Variants in ADAMTS3 observed in about 807,000 individuals in gnomAD.
ADAMTS3 encodes the protein A disintegrin and metalloproteinase with thrombospondin motifs 3.
A neutral mutation model predicts 129.0 loss-of-function variants in ADAMTS3; 73 were observed. The ratio of observed to expected loss-of-function variants is 0.57; its 90% CI spans 0.47 to 0.69. The LOEUF (loss-of-function observed/expected upper bound fraction) is 0.69, where lower values mean the gene tolerates loss of function less well. ADAMTS3 is among the 30% of genes least tolerant of loss of function. The probability of loss-of-function intolerance (pLI) is 0.00; values close to 1 mark genes in which losing one functional copy is unlikely to be tolerated. For missense variants in ADAMTS3, 1,457 were observed against 1,514.5 expected (o/e 0.96, Z 0.63); for synonymous variants, 477 against 510.8 (o/e 0.93, Z 0.89).
chr4:72,550,974 T>C (rs1324876830), intron 2 of ADAMTS3, among the ~76,000 whole-genome samples: 1 of 152,090 alleles, frequency 6.6e-6, no homozygotes, highest in Non-Finnish European at 1.5e-5. Context: ...GTTGAATTTG[T>C]TTGATGCTTA....
At chr4:72,523,978 A>T (rs1042020672) in intron 3 of ADAMTS3, among the ~76,000 whole-genome samples, 1 of 152,118 alleles carries the variant, frequency 6.6e-6, no homozygotes, top group African/African-American at 2.4e-5. Context: ...TATTGTTAGG[A>T]AACTAAAACT....
At chr4:72,403,962 G>A (rs1428231343) in intron 4 of ADAMTS3, among the ~76,000 whole-genome samples, 1 of 151,964 alleles carries the variant, frequency 6.6e-6, no homozygotes, top group Non-Finnish European at 1.5e-5. Context: ...GGAGAGAAAA[G>A]GGAAGGGATG....
rs559992419 is a variant in ADAMTS3, at chr4:72,283,348, G to C, written c.3406C>G (p.Gln1136Glu). Residue 1136 changes from glutamine to glutamate, a missense_variant, in exon 22 of 22, where the codon CAA (glutamine) becomes GAA (glutamate). Gln to Glu is a conservative substitution (Grantham distance 29). Transcript: ENST00000286657. ...GANLRQRSAQ[Q>E]AGSKTVRLVT... ...AGTCTCACAGTCTTACTTCCTGCTT[G>C]CTGAGCACTCCTCTGGCGTAAATTA... The C allele has an allele frequency of 3.1e-6, 5 of 1,613,748 alleles. No individual in the cohort carries two copies. In the African/African-American group the frequency reaches 5.3e-5, roughly 17 times the overall value.
chr4:72,425,478 T>C lies in ADAMTS3; in HGVS notation c.505-10507A>G, dbSNP rs984963002. Among the ~76,000 whole-genome samples, 17 of 152,162 alleles carry C rather than the reference T, an allele frequency of 1.1e-4. 1 individual carries two copies. Among genetic ancestry groups the C allele is most frequent in the Admixed American group, 9.2e-4 (14 of 15,282 alleles). ...TAGGTATATCTCCTAATGCTATCCC[T>C]CCCCCTTCCCCTTACCCCACAACAG... On this transcript the variant is annotated intron_variant, in intron 3 of 21. Coordinates refer to ENST00000286657, the MANE Select transcript of ADAMTS3 (RefSeq NM_014243.3).
rs1384083069 is a variant in ADAMTS3, at chr4:72,288,886, G to A, written c.2932-18C>T. On this transcript the variant is annotated intron_variant, in intron 20 of 21. Coordinates refer to ENST00000286657, the MANE Select transcript of ADAMTS3 (RefSeq NM_014243.3). ...ACTGAACACTGCAGAGACAAAGGCT[G>A]TGGTTACAGACATTTATTGCACCAA... 3 of 1,513,154 alleles carry A rather than the reference G, an allele frequency of 2.0e-6. No individual in the cohort carries two copies. Among genetic ancestry groups the A allele is most frequent in the Non-Finnish European group, 2.7e-6 (3 of 1,094,602 alleles). 93.7% of individuals were successfully genotyped at this position (1,513,154 alleles called of 1,614,324 possible).
chr4:72,416,709 C>T (rs1481665), intron 3 of ADAMTS3, among the ~76,000 whole-genome samples: 102,079 of 151,412 alleles, frequency 0.67, 34,875 homozygotes, highest in South Asian at 0.8. Context: ...GGATTCACCT[C>T]TTCTACAAAT....
At chr4:72,391,573 A>G (rs1027108119) in intron 4 of ADAMTS3, among the ~76,000 whole-genome samples, 9 of 152,126 alleles carry the variant, frequency 5.9e-5, no homozygotes, top group Non-Finnish European at 1.3e-4. Flanking sequence ...TTAAGCAGGG[A>G]CCAAATCTCT....
chr4:72,371,690 G>C (rs962697096), intron 4 of ADAMTS3, among the ~76,000 whole-genome samples: 14 of 152,104 alleles, frequency 9.2e-5, no homozygotes, highest in African/African-American at 3.4e-4. Context: ...TATAATTATA[G>C]TTGAAGATTT....
At chr4:72,391,919 G>A (rs888048196) in intron 4 of ADAMTS3, among the ~76,000 whole-genome samples, 11 of 152,080 alleles carry the variant, frequency 7.2e-5, no homozygotes, top group African/African-American at 1.4e-4. Flanking sequence ...CTGAAAACGC[G>A]TAGAAAACAC....
intron 3 of ADAMTS3, among the ~76,000 whole-genome samples, chr4:72,437,294 A>G (rs1187247389): frequency 1.3e-5 from 2 of 151,872 alleles, no homozygotes; most frequent in African/African-American, 2.4e-5. Context: ...GACATAAAAT[A>G]AATCTTTTCA....
chr4:72,495,655 C>T (rs1307788424), intron 3 of ADAMTS3, among the ~76,000 whole-genome samples: 1 of 152,098 alleles, frequency 6.6e-6, no homozygotes, highest in African/African-American at 2.4e-5. Context: ...GAAAAATCAT[C>T]AAATCATGAC....
chr4:72,297,782 C>T (rs781711322), intron 18 of ADAMTS3, among the ~76,000 whole-genome samples: 21 of 152,072 alleles, frequency 1.4e-4, no homozygotes, highest in Admixed American at 1.1e-3. Context: ...GTACCAACTG[C>T]GTAGGGCCAT....
At chr4:72,448,766 T>C (rs569240567) in intron 3 of ADAMTS3, among the ~76,000 whole-genome samples, 1 of 151,680 alleles carries the variant, frequency 6.6e-6, no homozygotes, top group Admixed American at 6.6e-5. Context: ...AAAGTAAGCC[T>C]CCTCCCCTTT....
rs553976300 is a variant in ADAMTS3 at position 72,367,767 on chromosome 4, G to A, written c.662-28074C>T. On this transcript the variant is annotated intron_variant, in intron 4 of 21. Transcript: ENST00000286657. ...TGGGAGGCTGAGGCAGGAGAATGGC[G>A]TGAACCCGGGAGGCGGAGCTTGCAG... Among the ~76,000 whole-genome samples, 129 of 151,568 alleles carry A rather than the reference G, an allele frequency of 8.5e-4. 1 individual carries two copies. Among genetic ancestry groups the A allele is most frequent in the African/African-American group, 3.0e-3 (125 of 41,328 alleles).
intron 3 of ADAMTS3, among the ~76,000 whole-genome samples, chr4:72,473,278 A>G (rs1037181374): frequency 6.6e-6 from 1 of 152,110 alleles, no homozygotes; most frequent in African/African-American, 2.4e-5. Context: ...TGGAGAGAAG[A>G]AGGCAGACTA....
At position 72,568,902 on chromosome 4, in the gene ADAMTS3, T is replaced by C. The variant is rs1278615282; in HGVS notation, c.-140A>G. ...AATAGAAAAAAATGATCTTCTGTGC[T>C]TTGCTTCAATGAAAATGAAATTTGA... On this transcript the variant is annotated 5_prime_UTR_variant, in exon 1 of 22. Transcript: ENST00000286657. 2 of 669,740 alleles carry C rather than the reference T, an allele frequency of 3.0e-6. No homozygotes were observed. The highest frequency in any genetic ancestry group is 2.7e-5 in the East Asian group (1 of 36,384). The allele number at this position is 669,740 out of a possible 1,614,324, so 41.5% of individuals were successfully genotyped here.
intron 3 of ADAMTS3, among the ~76,000 whole-genome samples, chr4:72,466,205 T>G (rs557885661): frequency 6.6e-6 from 1 of 152,058 alleles, no homozygotes; most frequent in Non-Finnish European, 1.5e-5. Flanking sequence ...GAGCAGTCAG[T>G]GCAAATTCCA....
At chr4:72,419,788 A>T (rs561173236) in intron 3 of ADAMTS3, among the ~76,000 whole-genome samples, 12 of 152,236 alleles carry the variant, frequency 7.9e-5, no homozygotes, top group African/African-American at 2.6e-4. Context: ...TTCAGGGAAG[A>T]GTTCATGCAG....
At chr4:72,416,314 AT>A (rs1349157906) in intron 3 of ADAMTS3, among the ~76,000 whole-genome samples, 1 of 151,836 alleles carries the variant, frequency 6.6e-6, no homozygotes, top group East Asian at 1.9e-4. Context: ...TGGGTATAGT[AT>A]TTCCCTTCTT....
Sources: allele counts gnomAD v4.1 joint callset (sites outside exome capture counted in the v4.1 genomes callset), GRCh38; gene constraint gnomAD v4.1.1; transcripts MANE v1.5; gene names NCBI Gene and HGNC (gene_info 2026-07-23, HGNC 2026-07-21).